GAP43: variants seen among roughly 807,000 people sequenced by gnomAD.
The protein encoded by GAP43 is neuromodulin.
Under a neutral mutation model 18.6 loss-of-function variants are expected in GAP43, and 6 were observed. The ratio of observed to expected loss-of-function variants is 0.32; its 90% CI spans 0.18 to 0.64. The LOEUF is 0.64. Among genes scored for constraint, GAP43 ranks in the 30% least tolerant of loss-of-function variants. GAP43 has a pLI of 0.78. For missense variants in GAP43, 292 were observed against 295.5 expected (o/e 0.99, Z 0.09); for synonymous variants, 115 against 111.4 (o/e 1.03, Z -0.20).
chr3:115,702,522 G>A (rs545028937), intron 2 of GAP43, among the ~76,000 whole-genome samples: 2 of 152,182 alleles, frequency 1.3e-5, no homozygotes, highest in Admixed American at 6.6e-5. Context: ...ATTTTAAGAA[G>A]GTGTCAAAGC....
intron 1 of GAP43, among the ~76,000 whole-genome samples, chr3:115,671,472 T>C (rs1708814579): frequency 6.6e-6 from 1 of 152,112 alleles, no homozygotes; most frequent in East Asian, 1.9e-4. Context: ...AGTAGGGATG[T>C]CCTACACCTT....
chr3:115,673,617 C>T (rs11716340), intron 1 of GAP43, among the ~76,000 whole-genome samples: 20,956 of 152,184 alleles, frequency 0.14, 1,741 homozygotes, highest in Admixed American at 0.25. Flanking sequence ...GCTCCATGCT[C>T]CATTCACAAC....
intron 1 of GAP43, among the ~76,000 whole-genome samples, chr3:115,667,153 C>A (rs921530343): frequency 6.6e-6 from 1 of 152,042 alleles, no homozygotes; most frequent in Non-Finnish European, 1.5e-5. Context: ...CAACTATGTG[C>A]CAGCACTATT....
intron 1 of GAP43, among the ~76,000 whole-genome samples, chr3:115,664,651 G>A (rs1708710448): frequency 6.6e-6 from 1 of 152,110 alleles, no homozygotes; most frequent in African/African-American, 2.4e-5. Flanking sequence ...ACAGATCATC[G>A]AGAGAGAATC....
intron 1 of GAP43, among the ~76,000 whole-genome samples, chr3:115,664,345 T>A (rs367779275): frequency 6.6e-6 from 1 of 152,028 alleles, no homozygotes; most frequent in African/African-American, 2.4e-5. Flanking sequence ...AAGAAAACTA[T>A]AAAATATTTA....
intron 1 of GAP43, among the ~76,000 whole-genome samples, chr3:115,635,200 C>A (rs1299523605): frequency 6.6e-6 from 1 of 152,050 alleles, no homozygotes; most frequent in Non-Finnish European, 1.5e-5. Flanking sequence ...TTTTCTCTAT[C>A]ACCTGGGAAA....
At chr3:115,694,500 C>T (rs1709159018) in intron 2 of GAP43, among the ~76,000 whole-genome samples, 1 of 152,202 alleles carries the variant, frequency 6.6e-6, no homozygotes, top group Non-Finnish European at 1.5e-5. Context: ...GATCAAAATA[C>T]AGATAACATT....
At chr3:115,637,363 T>C (rs1269159658) in intron 1 of GAP43, among the ~76,000 whole-genome samples, 1 of 152,088 alleles carries the variant, frequency 6.6e-6, no homozygotes, top group African/African-American at 2.4e-5. Context: ...ACAAGCCAAA[T>C]AATTTCTCAG....
chr3:115,685,868 T>C (rs909968021), intron 2 of GAP43, among the ~76,000 whole-genome samples: 1 of 152,214 alleles, frequency 6.6e-6, no homozygotes, highest in Non-Finnish European at 1.5e-5. Flanking sequence ...AATAGATTCA[T>C]AAGAGAACCT....
intron 1 of GAP43, among the ~76,000 whole-genome samples, chr3:115,672,064 G>GTGAA (rs1252890096): frequency 6.6e-6 from 1 of 152,196 alleles, no homozygotes; most frequent in Non-Finnish European, 1.5e-5. Context: ...GAATGCTGAT[G>GTGAA]TGAAGCCTTA....
At chr3:115,683,187 A>ACACACACACG (rs1559800495) in intron 2 of GAP43, among the ~76,000 whole-genome samples, 3 of 147,006 alleles carry the variant, frequency 2.0e-5, no homozygotes, top group African/African-American at 7.4e-5. Flanking sequence ...ACACACACAC[A>ACACACACACG]CGACAATCTT....
rs1559804127 is a variant in GAP43, at chr3:115,698,074, AATATATAAAATATG to A, written c.628+21465_628+21478del. 1.8e-3 allele frequency among the ~76,000 whole-genome samples: 91 copies of A among 49,408 alleles called. 1 individual carries two copies. Among genetic ancestry groups the A allele is most frequent in the East Asian group, 7.8e-3 (15 of 1,926 alleles). The allele number at this position is 49,408 out of a possible 152,430, so 32.4% of individuals were successfully genotyped here. A position where few individuals can be genotyped will look rare whatever the true frequency, so the allele number is the denominator to read the frequency against. Reference sequence around the variant, plus strand: ...ATTATATAAAATATATATTATATATAATATATAAAATATGTATTATATATAATATATAAAATATA... The same window carrying A: ...ATTATATAAAATATATATTATATATATATTATATATAATATATAAAATATA... On this transcript the variant is annotated intron_variant, in intron 2 of 2. Transcript: ENST00000305124.
At chr3:115,652,472 A>G (rs1156505102) in intron 1 of GAP43, among the ~76,000 whole-genome samples, 2 of 144,220 alleles carry the variant, frequency 1.4e-5, no homozygotes, top group Non-Finnish European at 3.0e-5. Context: ...CACACCCTCA[A>G]CTTCTGGGAT....
intron 2 of GAP43, among the ~76,000 whole-genome samples, chr3:115,697,760 A>C (rs919326342): frequency 1.3e-5 from 2 of 152,040 alleles, no homozygotes; most frequent in Non-Finnish European, 2.9e-5. Context: ...TGAATCATCA[A>C]ATCAAAGTCA....
At chr3:115,650,634 A>G (rs1162078358) in intron 1 of GAP43, among the ~76,000 whole-genome samples, 2 of 152,094 alleles carry the variant, frequency 1.3e-5, no homozygotes, top group African/African-American at 4.8e-5. Flanking sequence ...TCTACTCTAG[A>G]GACTCAGCAC....
intron 1 of GAP43, among the ~76,000 whole-genome samples, chr3:115,648,386 A>G (rs886230345): frequency 6.6e-6 from 1 of 151,902 alleles, no homozygotes; most frequent in Non-Finnish European, 1.5e-5. Flanking sequence ...ATTGAACTCC[A>G]TTGTCCTATT....
At chr3:115,718,842 G>T (rs1709542446) in intron 2 of GAP43, among the ~76,000 whole-genome samples, 1 of 152,104 alleles carries the variant, frequency 6.6e-6, no homozygotes, top group Non-Finnish European at 1.5e-5. Flanking sequence ...TTTTTTGATA[G>T]GTATTTCAGA....
At chr3:115,720,748 C>G in intron 2 of GAP43, 46 bp from the exon 3 acceptor site, 2 of 1,324,830 alleles carry the variant, frequency 1.5e-6, no homozygotes, top group South Asian at 1.2e-5. Flanking sequence ...AGACAAAATA[C>G]TAATTCTCTC....
chr3:115,682,431 A>G (rs1350986055), intron 2 of GAP43, among the ~76,000 whole-genome samples: 1 of 152,188 alleles, frequency 6.6e-6, no homozygotes, highest in Non-Finnish European at 1.5e-5. Context: ...TCTTTTTTAT[A>G]TTCTTGCTTA....
Sources: gnomAD v4.1 joint callset for allele counts (sites outside exome capture counted in the v4.1 genomes callset) on GRCh38, gnomAD v4.1.1 for gene constraint, MANE v1.5 for transcripts, NCBI Gene and HGNC (gene_info 2026-07-23, HGNC 2026-07-21) for gene names.